The following CDYL variants were observed in gnomAD, a reference collection of about 807,000 sequenced individuals.
CDYL encodes chromodomain Y-like protein.
CDYL carries 8 observed loss-of-function variants against 47.3 expected under a neutral mutation model. That is an observed-to-expected ratio of 0.17 (90% CI 0.10 to 0.31). The LOEUF is 0.31. Among genes scored for constraint, CDYL ranks in the 10% least tolerant of loss-of-function variants. The pLI is 1.00. For missense variants in CDYL, 471 were observed against 701.4 expected (o/e 0.67, Z 3.71); for synonymous variants, 266 against 265.0 (o/e 1.00, Z -0.04).
chr6:4,784,980 C>T (rs1230471688), intron 1 of CDYL, among the ~76,000 whole-genome samples: 2 of 151,850 alleles, frequency 1.3e-5, no homozygotes, highest in African/African-American at 4.9e-5. Flanking sequence ...GATTGTGAGG[C>T]CCCCCCAGCC....
rs114438241 is a variant in CDYL at position 4,904,389 on chromosome 6, T to C, written c.691+12010T>C. Among the ~76,000 whole-genome samples the C allele has an allele frequency of 8.4e-3, 1,275 of 152,386 alleles. 10 individuals carry two copies. The highest frequency in any genetic ancestry group is 0.01 in the Non-Finnish European group (709 of 68,032). On this transcript the variant is annotated intron_variant, in intron 2 of 6. Transcript: ENST00000397588. ...TAAATGGCATCTGCCAAGGCATCCTTAATAGGAAATATTAAGAAAACATTT... is the reference window on the plus strand; with the variant it reads ...TAAATGGCATCTGCCAAGGCATCCTCAATAGGAAATATTAAGAAAACATTT...
chr6:4,850,419 G>C (rs1273575680), intron 1 of CDYL, among the ~76,000 whole-genome samples: 2 of 152,156 alleles, frequency 1.3e-5, no homozygotes, highest in Non-Finnish European at 2.9e-5. Context: ...TAGCGAAAAA[G>C]TTTATAATTT....
intron 3 of CDYL, among the ~76,000 whole-genome samples, chr6:4,743,584 G>A (rs6915931): frequency 4.3e-4 from 66 of 152,250 alleles, no homozygotes; most frequent in African/African-American, 1.5e-3. Context: ...TTGAGCAAAT[G>A]TTTTGCTACA....
chr6:4,772,173 A>G (rs1353275827), upstream of CDYL, among the ~76,000 whole-genome samples: 1 of 152,246 alleles, frequency 6.6e-6, no homozygotes, highest in Non-Finnish European at 1.5e-5. Flanking sequence ...ATCACAGCCT[A>G]AGATGAAATT....
intron 2 of CDYL, among the ~76,000 whole-genome samples, chr6:4,899,010 C>A (rs1289590195): frequency 6.6e-6 from 1 of 152,144 alleles, no homozygotes; most frequent in Non-Finnish European, 1.5e-5. Flanking sequence ...CAAAGTAGAG[C>A]AAAACTTAGG....
At chr6:4,744,382 C>A (rs773239711) in intron 3 of CDYL, among the ~76,000 whole-genome samples, 1 of 152,084 alleles carries the variant, frequency 6.6e-6, no homozygotes, top group African/African-American at 2.4e-5. Context: ...GTAGTCCCAG[C>A]TACTCAGGAG....
At position 4,750,211 on chromosome 6, in the gene CDYL, T is replaced by A. The variant is rs116055419; in HGVS notation, c.186+15367T>A. Among the ~76,000 whole-genome samples, 1,044 of 152,006 alleles carry A rather than the reference T, an allele frequency of 6.9e-3. 21 individuals are homozygous for A. Among genetic ancestry groups the A allele is most frequent in the African/African-American group, 0.024 (984 of 41,504 alleles). On this transcript the variant is annotated intron_variant, in intron 3 of 8. Coordinates refer to the CDYL transcript ENST00000328908. The stretch of plus-strand genomic sequence containing the variant: ...TTTTATTTAATTTAATTTATTATTA[T>A]TATTATTTTGAGACGGAGTCTTGCT...
chr6:4,932,659 T>C (rs1219060649), intron 2 of CDYL, among the ~76,000 whole-genome samples: 2 of 152,144 alleles, frequency 1.3e-5, no homozygotes, highest in Non-Finnish European at 2.9e-5. Context: ...GCATGTGTAG[T>C]CTGAAGGAAC....
chr6:4,725,353 G>T (rs892793450), intron 2 of CDYL, among the ~76,000 whole-genome samples: 1 of 152,228 alleles, frequency 6.6e-6, no homozygotes, highest in Non-Finnish European at 1.5e-5. Flanking sequence ...TTGGGTGGCC[G>T]ATGGGACTGG....
chr6:4,801,687 G>T (rs1418137734), intron 1 of CDYL, among the ~76,000 whole-genome samples: 1 of 152,096 alleles, frequency 6.6e-6, no homozygotes, highest in Non-Finnish European at 1.5e-5. Context: ...GAGTAGAGAT[G>T]GACTTTTCTC....
chr6:4,749,638 G>A (rs1283463608), intron 3 of CDYL, among the ~76,000 whole-genome samples: 1 of 152,198 alleles, frequency 6.6e-6, no homozygotes, highest in Non-Finnish European at 1.5e-5. Context: ...ATGATCCCAG[G>A]TTGTTTTAAA....
chr6:4,724,298 A>C lies in CDYL; in HGVS notation c.103+8417A>C, dbSNP rs564671730. The C allele has an allele frequency of 4.6e-5, 7 of 151,420 alleles. No homozygotes were observed. In the South Asian group the frequency reaches 1.5e-3, roughly 32 times the overall value. The allele number at this position is 151,420 out of a possible 1,614,324, so 9.4% of individuals were successfully genotyped here. ...ACTCCTGACTTCATATAATCCACCCACCTTGGCCTCCCAACGTGATGGGAT... is the reference window on the plus strand; with the variant it reads ...ACTCCTGACTTCATATAATCCACCCCCCTTGGCCTCCCAACGTGATGGGAT... On this transcript the variant is annotated intron_variant, in intron 2 of 8. Transcript: ENST00000328908.
intron 1 of CDYL, among the ~76,000 whole-genome samples, chr6:4,788,214 G>T (rs1758810544): frequency 6.6e-6 from 1 of 152,036 alleles, no homozygotes; most frequent in Admixed American, 6.6e-5. Flanking sequence ...TTCAGGCTGG[G>T]TGTAGTGGCT....
chr6:4,861,642 G>T (rs928737383), intron 1 of CDYL, among the ~76,000 whole-genome samples: 2 of 152,202 alleles, frequency 1.3e-5, no homozygotes, highest in African/African-American at 4.8e-5. Flanking sequence ...ATTTTCCTAT[G>T]TTGAAGTTAT....
chr6:4,775,663 C>G (rs1322939287), upstream of CDYL, among the ~76,000 whole-genome samples: 2 of 150,062 alleles, frequency 1.3e-5, no homozygotes, highest in Non-Finnish European at 3.0e-5. This position sits in a 1 kb window ranked among gnomAD's most constrained non-coding sequence, Gnocchi z 7.0. Flanking sequence ...TCCCGCCCCC[C>G]GGATCCCACC....
intron 3 of CDYL, among the ~76,000 whole-genome samples, chr6:4,750,786 CGT>C: frequency 6.6e-6 from 1 of 151,676 alleles, no homozygotes; most frequent in East Asian, 1.9e-4. Flanking sequence ...AAAAATCACG[CGT>C]GTCTTTCTAG....
chr6:4,784,878 T>A (rs1217955260), intron 1 of CDYL, among the ~76,000 whole-genome samples: 1 of 151,970 alleles, frequency 6.6e-6, no homozygotes, highest in Non-Finnish European at 1.5e-5. Flanking sequence ...TCATGAGATC[T>A]CATGGTTTGA....
chr6:4,851,535 C>G (rs958899805), intron 1 of CDYL, among the ~76,000 whole-genome samples: 1 of 152,102 alleles, frequency 6.6e-6, no homozygotes, highest in Non-Finnish European at 1.5e-5. Context: ...TCTGGGGGCT[C>G]TCTCTGTTTA....
chr6:4,903,697 G>A (rs1334985758), intron 2 of CDYL, among the ~76,000 whole-genome samples: 1 of 152,200 alleles, frequency 6.6e-6, no homozygotes, highest in Non-Finnish European at 1.5e-5. Context: ...CTCGGCCCCT[G>A]CAGCTGGAGT....
Sources: gnomAD v4.1 joint callset for allele counts (sites outside exome capture counted in the v4.1 genomes callset) on GRCh38, gnomAD v4.1.1 for gene constraint, Gnocchi (gnomAD v3.1) non-coding constraint, MANE v1.5 for transcripts, NCBI Gene and HGNC (gene_info 2026-07-23, HGNC 2026-07-21) for gene names.